Variants in UPRT observed in about 807,000 individuals in gnomAD.
UPRT encodes the protein RP11-311P8.3.
In UPRT, 5 loss-of-function variants were observed where a neutral mutation model predicts 22.6. That is an observed-to-expected ratio of 0.22 (90% CI 0.12 to 0.47). The LOEUF (loss-of-function observed/expected upper bound fraction) is 0.47. Ranked by LOEUF, UPRT falls within the 20% of genes least tolerant of loss-of-function variation. The pLI, the probability that UPRT is intolerant of heterozygous loss-of-function variation, is 0.99. For synonymous variants in UPRT, 77 were observed against 87.7 expected (o/e 0.88, Z 0.68); for missense variants, 181 against 239.9 (o/e 0.75, Z 1.62).
intron 4 of UPRT, among the ~76,000 whole-genome samples, chrX:75,248,508 A>G (rs139602515): frequency 0.011 from 1,269 of 111,917 alleles, 11 homozygotes; most frequent in Non-Finnish European, 0.018. Flanking sequence ...AAGTTTAGAG[A>G]AAAAAGACTA....
Position 75,230,381 on chromosome X carries a change from C to T in UPRT, c.-446-60643C>T, listed in dbSNP as rs192399166. 5.4e-5 allele frequency among the ~76,000 whole-genome samples: 6 copies of T among 111,145 alleles called. 1 individual carries two copies. In the South Asian group the frequency reaches 2.3e-3, roughly 43 times the overall value. ...AGCTATTGGGAGCTGTATGGCCCCA[C>T]CCATCAACAAAAAACCCTAGTACTC... On this transcript the variant is annotated intron_variant, in intron 4 of 13. Coordinates refer to the UPRT transcript ENST00000652605.
chrX:75,189,668 G>A (rs759382034), intron 4 of UPRT, among the ~76,000 whole-genome samples: 1 of 112,179 alleles, frequency 8.9e-6, no homozygotes, highest in African/African-American at 3.2e-5. Context: ...GGGTGCTCCT[G>A]TATTGGGTGC....
At chrX:75,283,075 C>G (rs1382014779) in intron 1 of UPRT, among the ~76,000 whole-genome samples, 1 of 111,938 alleles carries the variant, frequency 8.9e-6, no homozygotes, top group African/African-American at 3.3e-5. Context: ...TTTGTTTCTT[C>G]TGATATAACA....
chrX:75,252,552 G>A (rs1244011152), intron 4 of UPRT, among the ~76,000 whole-genome samples: 8 of 112,240 alleles, frequency 7.1e-5, no homozygotes, highest in African/African-American at 2.6e-4. Flanking sequence ...ACAGGTGCTG[G>A]AGAGGATGTG....
chrX:75,190,358 G>C (rs1314997829), intron 4 of UPRT, among the ~76,000 whole-genome samples: 1 of 112,023 alleles, frequency 8.9e-6, no homozygotes, highest in Non-Finnish European at 1.9e-5. Context: ...CTGTTAGTCT[G>C]ACGGGCTTTC....
intron 4 of UPRT, among the ~76,000 whole-genome samples, chrX:75,248,071 C>G (rs1389580853): frequency 1.8e-5 from 2 of 111,636 alleles, no homozygotes; most frequent in Non-Finnish European, 3.8e-5. Context: ...TGTATGTCAC[C>G]ATCTTCAAAG....
chrX:75,243,048 AT>A (rs762164646), intron 4 of UPRT, among the ~76,000 whole-genome samples: 14 of 109,639 alleles, frequency 1.3e-4, no homozygotes, highest in Non-Finnish European at 1.3e-4. Flanking sequence ...GAAATTTCTC[AT>A]TTTTTTTTCT....
chrX:75,274,609 A>T lies in UPRT; in HGVS notation c.355A>T (p.Ile119Leu), dbSNP rs755817869. ...QLKLLPMNDQ[I>L]RELQTIIRDK... ...TAAGCTGCTGCCTATGAATGATCAG[A>T]TACGGGAGCTACAGACCATCATCCG... Residue 119 changes from isoleucine (I) to leucine (L), a missense_variant, in exon 1 of 7, where the codon ATA becomes TTA. Transcript: ENST00000373383. 1 of 1,203,655 alleles carries T rather than the reference A, an allele frequency of 8.3e-7. No individual in the cohort carries two copies. Among genetic ancestry groups the T allele is most frequent in the African/African-American group, 1.7e-5 (1 of 57,730 alleles).
intron 4 of UPRT, among the ~76,000 whole-genome samples, chrX:75,230,295 A>T (rs2082434307): frequency 9.0e-6 from 1 of 111,421 alleles, no homozygotes; most frequent in Non-Finnish European, 1.9e-5. Flanking sequence ...AGACCTGCCT[A>T]CCCTACAGCC....
At chrX:75,298,672 C>G (rs2082734462) in intron 4 of UPRT, among the ~76,000 whole-genome samples, 1 of 112,371 alleles carries the variant, frequency 8.9e-6, no homozygotes, top group Non-Finnish European at 1.9e-5. Flanking sequence ...CTCAAGTAAA[C>G]TAGGAACTTT....
rs182004957 is a variant in UPRT, at chrX:75,247,665, A to G, written c.-446-43359A>G. ...CACCTCTGGGGGCAGGGCACAAACA[A>G]AAGGCAGCAGTAAACTCTGCAGACT... On this transcript the variant is annotated intron_variant, in intron 4 of 13. Coordinates refer to the UPRT transcript ENST00000652605. 1.9e-3 allele frequency among the ~76,000 whole-genome samples: 215 copies of G among 112,733 alleles called. 1 individual carries two copies. The highest frequency in any genetic ancestry group is 6.5e-3 in the African/African-American group (202 of 31,106).
At chrX:75,285,856 T>G (rs917683939) in intron 1 of UPRT, among the ~76,000 whole-genome samples, 20 of 111,433 alleles carry the variant, frequency 1.8e-4, no homozygotes, top group African/African-American at 6.2e-4. Flanking sequence ...TAATATTATT[T>G]TTTTTAAACT....
At position 75,260,526 on chromosome X, in the gene UPRT, G is replaced by A. The variant is rs187355597; in HGVS notation, c.-446-30498G>A. On this transcript the variant is annotated intron_variant, in intron 4 of 13. Transcript: ENST00000652605. ...AAAGAAGGACATTACAAAATGGTAA[G>A]TGGATCAATTCAATAAGAAGAGCTA... 3.3e-4 allele frequency among the ~76,000 whole-genome samples: 37 copies of A among 112,359 alleles called. 1 individual carries two copies. Among genetic ancestry groups the A allele is most frequent in the African/African-American group, 1.1e-3 (35 of 30,998 alleles).
chrX:75,272,315 TATATAC>T (rs1415683329), upstream of UPRT, among the ~76,000 whole-genome samples: 1 of 27,899 alleles, frequency 3.6e-5, no homozygotes, highest in Admixed American at 6.2e-4. Flanking sequence ...TATATGTGTA[TATATAC>T]ATATATATGT....
chrX:75,228,158 A>G (rs1347329171), intron 4 of UPRT, among the ~76,000 whole-genome samples: 1 of 111,312 alleles, frequency 9.0e-6, no homozygotes, highest in Non-Finnish European at 1.9e-5. Context: ...GCAACAAAGG[A>G]CTCATCCAAC....
intron 4 of UPRT, among the ~76,000 whole-genome samples, chrX:75,241,106 GAAA>G (rs57173177): frequency 5.7e-5 from 6 of 106,099 alleles, no homozygotes; most frequent in Admixed American, 1.0e-4. Flanking sequence ...CTTCTGCACA[GAAA>G]AAAAAAAAAT....
At chrX:75,259,403 G>A (rs1468972599) in intron 4 of UPRT, among the ~76,000 whole-genome samples, 2 of 109,269 alleles carry the variant, frequency 1.8e-5, no homozygotes, top group Non-Finnish European at 3.8e-5. Context: ...AACCAGTTTA[G>A]AGATGAACAG....
intron 1 of UPRT, among the ~76,000 whole-genome samples, 168 bp from the exon 2 acceptor site, chrX:75,293,304 G>T (rs1006138210): frequency 9.0e-6 from 1 of 111,425 alleles, no homozygotes; most frequent in Non-Finnish European, 1.9e-5. Context: ...TCTCATTTAG[G>T]TGCCTGTATC....
chrX:75,241,582 C>T, intron 4 of UPRT, among the ~76,000 whole-genome samples: 1 of 111,077 alleles, frequency 9.0e-6, no homozygotes, highest in South Asian at 3.8e-4. Flanking sequence ...GGTATCTACC[C>T]AGAGAAAAAG....
Sources: gnomAD v4.1 joint callset for allele counts (sites outside exome capture counted in the v4.1 genomes callset) on GRCh38, gnomAD v4.1.1 for gene constraint, MANE v1.5 for transcripts, NCBI Gene and HGNC (gene_info 2026-07-23, HGNC 2026-07-21) for gene names.